Variants in ATP5MC2 observed in about 807,000 individuals in gnomAD.
ATP5MC2 encodes ATP synthase F(0) complex subunit C2, mitochondrial.
A neutral mutation model predicts 13.5 loss-of-function variants in ATP5MC2; 11 were observed. The ratio of observed to expected loss-of-function variants is 0.81; its 90% CI spans 0.51 to 1.35. ATP5MC2 has a LOEUF of 1.35. Among genes scored for constraint, ATP5MC2 ranks in the 40% most tolerant of loss-of-function variants. The pLI is 0.00. For missense variants in ATP5MC2, 132 were observed against 175.0 expected (o/e 0.75, Z 1.39); for synonymous variants, 64 against 69.7 (o/e 0.92, Z 0.41).
At position 53,669,287 on chromosome 12, in the gene ATP5MC2, T is replaced by C. The variant is rs770993253; in HGVS notation, c.172A>G (p.Ser58Gly). ...CTTGAAATGGCGCTGGTTTGGAAGCTGCGGCTAGAGACAAGTGAGGTAAGG... is the reference window on the plus strand; with the variant it reads ...CTTGAAATGGCGCTGGTTTGGAAGCCGCGGCTAGAGACAAGTGAGGTAAGG... ...CPLTSLVSSR[S>G]FQTSAISRDI... The change falls in exon 4 of 5, where the codon AGC (serine) becomes GGC (glycine). Residue 58 changes from serine to glycine, a missense_variant. By Grantham distance (56) the Ser-to-Gly change is moderately conservative (BLOSUM62 0). Coordinates refer to ENST00000394349, the MANE Select transcript of ATP5MC2 (RefSeq NM_005176.7). 4.3e-6 allele frequency: 7 copies of C among 1,614,018 alleles called. No individual in the cohort carries two copies.
At position 53,665,249 on chromosome 12, in the gene ATP5MC2, A is replaced by C; in HGVS notation, c.*65T>G. The C allele has an allele frequency of 2.3e-6, 3 of 1,297,214 alleles. No individual in the cohort carries two copies. Among genetic ancestry groups the C allele is most frequent in the Non-Finnish European group, 2.2e-6 (2 of 923,060 alleles). 80.4% of individuals were successfully genotyped at this position (1,297,214 alleles called of 1,614,324 possible). On this transcript the variant is annotated 3_prime_UTR_variant, in exon 5 of 5. Transcript: ENST00000394349. The stretch of plus-strand genomic sequence containing the variant: ...CGTTCCCCAGGCTGCCTGGGGAGGT[A>C]TAGGAAAAGGAACACACGGGGCCAA...
upstream of ATP5MC2, among the ~76,000 whole-genome samples, chr12:53,678,123 A>G (rs1456963909): frequency 6.6e-6 from 1 of 152,174 alleles, no homozygotes; most frequent in African/African-American, 2.4e-5. Context: ...TCATAGAATA[A>G]TGGGTTCTGC....
At chr12:53,668,405 G>A (rs1255457755) in intron 4 of ATP5MC2, among the ~76,000 whole-genome samples, 4 of 151,684 alleles carry the variant, frequency 2.6e-5, no homozygotes, top group Non-Finnish European at 5.9e-5. Flanking sequence ...CCGGGTTCAA[G>A]CGATTCTTCT....
At chr12:53,679,918 C>G (rs1945332588), upstream of ATP5MC2, among the ~76,000 whole-genome samples, 1 of 152,198 alleles carries the variant, frequency 6.6e-6, no homozygotes, top group Non-Finnish European at 1.5e-5. Flanking sequence ...GAGATGGTGG[C>G]AGAGGGATGA....
At chr12:53,677,500 G>A (rs1258371332), upstream of ATP5MC2, 2 of 152,234 alleles carry the variant, frequency 1.3e-5, no homozygotes. Context: ...ATTTATATGG[G>A]CCCGTTATTT....
At chr12:53,677,407 G>A (rs1017565589), upstream of ATP5MC2, 1 of 152,230 alleles carries the variant, frequency 6.6e-6, no homozygotes, top group African/African-American at 2.4e-5. Context: ...ATGTAATTTT[G>A]CCCGGATGAG....
rs776916019 is a variant in ATP5MC2, at chr12:53,669,966, CA to C, written c.40-19del. ...CTCTTGACCTAGCAGGAATGACATA[CA>C]GGGGCAGGAAGGTCAAGGAAGACTG... On this transcript the variant is annotated intron_variant, in intron 2 of 4. Transcript: ENST00000394349. 16 of 1,612,998 alleles carry C rather than the reference CA, an allele frequency of 9.9e-6. No homozygotes were observed. The East Asian group carries it at 3.3e-4, about 34-fold the overall frequency.
chr12:53,675,459 T>A (rs760268051), intron 1 of ATP5MC2, among the ~76,000 whole-genome samples: 2 of 152,176 alleles, frequency 1.3e-5, no homozygotes, highest in Non-Finnish European at 2.9e-5. Context: ...GCAACCAGCC[T>A]CTCTCTTCTG....
upstream of ATP5MC2, among the ~76,000 whole-genome samples, chr12:53,680,596 G>C (rs1418735490): frequency 6.6e-6 from 1 of 151,996 alleles, no homozygotes; most frequent in African/African-American, 2.4e-5. Context: ...TTGGGAAGCT[G>C]AGGCAGGGAG....
upstream of ATP5MC2, among the ~76,000 whole-genome samples, chr12:53,679,091 A>G (rs1945325378): frequency 6.6e-6 from 1 of 152,190 alleles, no homozygotes. Flanking sequence ...GTCCTTTTCT[A>G]CAAAGGTCAC....
At chr12:53,674,792 C>T (rs1357231523) in intron 1 of ATP5MC2, among the ~76,000 whole-genome samples, 2 of 152,212 alleles carry the variant, frequency 1.3e-5, no homozygotes, top group Non-Finnish European at 2.9e-5. Context: ...CTTGTCCTAT[C>T]TAGAACTCTG....
chr12:53,674,567 A>G (rs79802669), intron 1 of ATP5MC2, among the ~76,000 whole-genome samples: 1,634 of 152,340 alleles, frequency 0.011, 26 homozygotes, highest in African/African-American at 0.033. Context: ...GCTATTAAAT[A>G]CCACTTCATT....
chr12:53,669,775 G>T, intron 3 of ATP5MC2, 96 bp downstream of exon 3: 1 of 1,322,374 alleles, frequency 7.6e-7, no homozygotes, highest in Non-Finnish European at 1.1e-6. Context: ...TTTAGCCTGT[G>T]ATGACTGTCC....
At chr12:53,673,706 A>G (rs11833699) in intron 1 of ATP5MC2, 1,633 of 157,470 alleles carry the variant, frequency 0.01, 26 homozygotes, top group African/African-American at 0.033. Flanking sequence ...CTGTAATCCC[A>G]GCTACTCAGG....
At chr12:53,680,202 C>T (rs1303228984), upstream of ATP5MC2, among the ~76,000 whole-genome samples, 2 of 152,010 alleles carry the variant, frequency 1.3e-5, no homozygotes, top group African/African-American at 4.8e-5. Context: ...CCCAGGCTGG[C>T]CTTGAACTCC....
intron 2 of ATP5MC2, chr12:53,670,226 T>A: frequency 4.6e-6 from 2 of 431,646 alleles, no homozygotes; most frequent in South Asian, 3.9e-5. Context: ...TATCCTTTTA[T>A]AGCTCTTGAG....
At chr12:53,676,272 CG>C (rs1239034664), upstream of ATP5MC2, 9 of 1,532,842 alleles carry the variant, frequency 5.9e-6, no homozygotes, top group Non-Finnish European at 7.9e-6. Flanking sequence ...CTACAGGGAG[CG>C]CCGACTGCAG....
chr12:53,680,895 T>TA (rs1178628107), upstream of ATP5MC2, among the ~76,000 whole-genome samples: 3 of 152,262 alleles, frequency 2.0e-5, no homozygotes, highest in East Asian at 5.8e-4. Flanking sequence ...GGACACCCAT[T>TA]AAACCACGCC....
chr12:53,675,404 G>A (rs558585121), intron 1 of ATP5MC2, among the ~76,000 whole-genome samples: 1 of 152,290 alleles, frequency 6.6e-6, no homozygotes, highest in South Asian at 2.1e-4. Context: ...TCACCAGCGT[G>A]CCGGGATGCG....
Sources: allele counts gnomAD v4.1 joint callset (sites outside exome capture counted in the v4.1 genomes callset), GRCh38; gene constraint gnomAD v4.1.1; transcripts MANE v1.5; gene names NCBI Gene and HGNC (gene_info 2026-07-23, HGNC 2026-07-21).